The following MYO3B variants were observed in gnomAD, a reference collection of about 807,000 sequenced individuals.
The protein encoded by MYO3B is myosin-IIIb.
A neutral mutation model predicts 174.6 loss-of-function variants in MYO3B; 156 were observed. The ratio of observed to expected loss-of-function variants is 0.89; its 90% CI spans 0.78 to 1.02. The LOEUF (loss-of-function observed/expected upper bound fraction) is 1.02, where lower values mean the gene tolerates loss of function less well. Ranked by LOEUF, MYO3B falls within the 50% of genes least tolerant of loss-of-function variation. The pLI, the probability that MYO3B is intolerant of heterozygous loss-of-function variation, is 0.00. For synonymous variants in MYO3B, 563 were observed against 569.1 expected (o/e 0.99, Z 0.15); for missense variants, 1,632 against 1,639.4 (o/e 1.00, Z 0.08).
intron 10 of MYO3B, 32 bp from the exon 11 acceptor site, chr2:170,383,041 A>G (rs1199938929): frequency 7.4e-7 from 1 of 1,350,096 alleles, no homozygotes; most frequent in African/African-American, 1.4e-5. Context: ...TGGGAATAAT[A>G]TTTACCTCAA....
At chr2:170,649,246 A>AT in intron 32 of MYO3B, among the ~76,000 whole-genome samples, 1 of 45,452 alleles carries the variant, frequency 2.2e-5, no homozygotes, top group Admixed American at 4.1e-4. Flanking sequence ...TATATATTAT[A>AT]TATAAAATAA....
chr2:170,207,042 C>A (rs1553562615), intron 3 of MYO3B, among the ~76,000 whole-genome samples: 1 of 152,156 alleles, frequency 6.6e-6, no homozygotes, highest in Non-Finnish European at 1.5e-5. Flanking sequence ...GCATGGTCTA[C>A]CTCACCATGC....
At chr2:170,317,861 A>G (rs2093786831) in intron 7 of MYO3B, among the ~76,000 whole-genome samples, 1 of 152,216 alleles carries the variant, frequency 6.6e-6, no homozygotes, top group South Asian at 2.1e-4. Context: ...TAGAGTTTTT[A>G]TCGTGATAAA....
intron 19 of MYO3B, 69 bp from the exon 20 acceptor site, chr2:170,404,178 T>C (rs2105804355): frequency 6.8e-7 from 1 of 1,478,186 alleles, no homozygotes; most frequent in Non-Finnish European, 9.1e-7. Context: ...AGAAAGTCCA[T>C]GTCAAAGTAT....
chr2:170,293,276 T>C (rs1053450298), intron 7 of MYO3B, among the ~76,000 whole-genome samples: 2 of 152,226 alleles, frequency 1.3e-5, no homozygotes, highest in Non-Finnish European at 2.9e-5. Context: ...TTATACTTTT[T>C]CCATAAAAGT....
chr2:170,313,557 T>C (rs1175328121), intron 7 of MYO3B, among the ~76,000 whole-genome samples: 9 of 152,208 alleles, frequency 5.9e-5, no homozygotes, highest in Admixed American at 5.2e-4. Flanking sequence ...AAAATGTTCC[T>C]GAAAGGGACC....
chr2:170,397,107 C>T (rs1306003503), intron 16 of MYO3B, among the ~76,000 whole-genome samples: 1 of 152,108 alleles, frequency 6.6e-6, no homozygotes, highest in Non-Finnish European at 1.5e-5. Context: ...TCCTTAGCCA[C>T]TCTTAAGTTG....
intron 1 of MYO3B, among the ~76,000 whole-genome samples, chr2:170,186,382 T>C (rs1319520530): frequency 6.6e-6 from 1 of 152,246 alleles, no homozygotes; most frequent in South Asian, 2.1e-4. Context: ...GAAATGATCA[T>C]ATGATTTTTG....
chr2:170,375,371 C>T (rs1037773572), intron 9 of MYO3B, among the ~76,000 whole-genome samples: 3 of 152,122 alleles, frequency 2.0e-5, no homozygotes, highest in Admixed American at 6.6e-5. Flanking sequence ...TGAACTCAAC[C>T]GTGAACCTCA....
intron 17 of MYO3B, 52 bp downstream of exon 17, chr2:170,400,366 T>C (rs1574917731): frequency 6.2e-7 from 1 of 1,602,922 alleles, no homozygotes; most frequent in Non-Finnish European, 8.5e-7. Context: ...CGTGCTTCTT[T>C]AGGCTCTGTA....
intron 32 of MYO3B, among the ~76,000 whole-genome samples, chr2:170,586,406 T>A (rs1693501256): frequency 6.6e-6 from 1 of 152,216 alleles, no homozygotes; most frequent in Non-Finnish European, 1.5e-5. Context: ...TGTTTTTACT[T>A]GGAGAATATA....
intron 6 of MYO3B, among the ~76,000 whole-genome samples, chr2:170,225,564 T>C (rs963848394): frequency 4.6e-5 from 7 of 152,194 alleles, no homozygotes; most frequent in African/African-American, 7.2e-5. Flanking sequence ...TTCTTTAGAA[T>C]TGAATTTAGG....
At chr2:170,198,388 A>C in intron 1 of MYO3B, among the ~76,000 whole-genome samples, 1 of 152,194 alleles carries the variant, frequency 6.6e-6, no homozygotes, top group East Asian at 1.9e-4. Flanking sequence ...GAGAAAGATC[A>C]CAGAGCTTTG....
At chr2:170,588,628 A>G (rs1000769745) in intron 32 of MYO3B, among the ~76,000 whole-genome samples, 1 of 152,198 alleles carries the variant, frequency 6.6e-6, no homozygotes, top group African/African-American at 2.4e-5. Context: ...TTTATTGACG[A>G]TCTTTATCCC....
At chr2:170,407,936 C>G in intron 22 of MYO3B, 92 bp downstream of exon 22, 9 of 1,448,342 alleles carry the variant, frequency 6.2e-6, no homozygotes, top group Non-Finnish European at 7.7e-6. Context: ...GCCAGGGCTG[C>G]ACCGCTAACA....
At chr2:170,509,908 G>A (rs1341098862) in intron 28 of MYO3B, among the ~76,000 whole-genome samples, 1 of 152,200 alleles carries the variant, frequency 6.6e-6, no homozygotes, top group Admixed American at 6.5e-5. Context: ...GTGATGGGCA[G>A]CCTAACAGCT....
chr2:170,207,308 G>A (rs770654995), intron 3 of MYO3B, among the ~76,000 whole-genome samples: 1 of 152,140 alleles, frequency 6.6e-6, no homozygotes, highest in African/African-American at 2.4e-5. Flanking sequence ...GCCATCATCC[G>A]AGGCTCCAGT....
chr2:170,297,774 T>C (rs1313298244), intron 7 of MYO3B, among the ~76,000 whole-genome samples: 2 of 152,234 alleles, frequency 1.3e-5, no homozygotes, highest in Non-Finnish European at 2.9e-5. Flanking sequence ...TCCAATTTGT[T>C]TCTTGCCATT....
intron 22 of MYO3B, among the ~76,000 whole-genome samples, chr2:170,413,339 A>C (rs192717494): frequency 7.1e-4 from 108 of 152,240 alleles, no homozygotes; most frequent in African/African-American, 2.2e-3. Context: ...AGGAGAAGGG[A>C]GTGGAAGTTA....
Sources: gnomAD v4.1 joint callset for allele counts (sites outside exome capture counted in the v4.1 genomes callset) on GRCh38, gnomAD v4.1.1 for gene constraint, MANE v1.5 for transcripts, NCBI Gene and HGNC (gene_info 2026-07-23, HGNC 2026-07-21) for gene names.